PROSER1: variants seen among roughly 807,000 people sequenced by gnomAD.
PROSER1 encodes the protein proline and serine rich 1.
Under a neutral mutation model 71.8 loss-of-function variants are expected in PROSER1, and 36 were observed. The observed-to-expected ratio is 0.50, with a 90% CI of 0.38 to 0.66. The LOEUF (loss-of-function observed/expected upper bound fraction) is 0.66, where lower values mean the gene tolerates loss of function less well. PROSER1 is among the 30% of genes least tolerant of loss of function. The pLI is 0.00. For missense variants in PROSER1, 1,107 were observed against 1,135.0 expected, an observed-to-expected ratio of 0.98 and a Z score of 0.35; for synonymous variants, 490 against 452.4, an observed-to-expected ratio of 1.08 and a Z score of -1.06.
At position 39,017,488 on chromosome 13, in the gene PROSER1, T is replaced by C; in HGVS notation, c.775+12A>G. 6.6e-7 allele frequency: 1 copy of C among 1,510,402 alleles called. No individual in the cohort carries two copies. The highest frequency in any genetic ancestry group is 9.1e-7 in the Non-Finnish European group (1 of 1,094,782). The allele number at this position is 1,510,402 out of a possible 1,614,324, so 93.6% of individuals were successfully genotyped here. A position where few individuals can be genotyped will look rare whatever the true frequency, so the allele number is the denominator to read the frequency against. On this transcript the variant is annotated intron_variant, in intron 10 of 12. Coordinates refer to ENST00000352251, the MANE Select transcript of PROSER1 (RefSeq NM_025138.5). ...AGATATCCGTTATCTCTGGATCAAA[T>C]TTGCTACTTACTTTGATTCTGTATA... is the stretch of plus-strand genomic sequence containing the variant.
At position 39,010,804 on chromosome 13, in the gene PROSER1, T is replaced by C. The variant is rs1340185177; in HGVS notation, c.*561A>G. ...ACCACTTTCACTTACCTGAAATATT[T>C]TGAGTTAAATTCAGCAGTATGTACG... On this transcript the variant is annotated 3_prime_UTR_variant, in exon 13 of 13. Transcript: ENST00000352251. 6.5e-6 allele frequency: 1 copy of C among 152,718 alleles called. No homozygotes were observed. The highest frequency in any genetic ancestry group is 1.5e-5 in the Non-Finnish European group (1 of 68,130). 9.5% of individuals were successfully genotyped at this position (152,718 alleles called of 1,614,324 possible).
intron 2 of PROSER1, among the ~76,000 whole-genome samples, chr13:39,032,727 T>C (rs1870907122): frequency 1.3e-5 from 2 of 152,086 alleles, no homozygotes; most frequent in Admixed American, 6.5e-5. Context: ...TAACCAACCA[T>C]AAAATTTTAC....
intron 1 of PROSER1, among the ~76,000 whole-genome samples, chr13:39,035,556 T>G (rs1871060594): frequency 6.6e-6 from 1 of 152,208 alleles, no homozygotes; most frequent in African/African-American, 2.4e-5. Context: ...GCTCACAAAG[T>G]AAGTGCTCAC....
At chr13:39,028,770 T>G (rs1870669816) in intron 4 of PROSER1, among the ~76,000 whole-genome samples, 1 of 152,150 alleles carries the variant, frequency 6.6e-6, no homozygotes, top group African/African-American at 2.4e-5. Flanking sequence ...CATTCTTCAG[T>G]TATGCAAAGG....
chr13:39,035,100 A>G (rs1420035623), intron 1 of PROSER1, among the ~76,000 whole-genome samples: 2 of 152,198 alleles, frequency 1.3e-5, no homozygotes, highest in South Asian at 2.1e-4. Flanking sequence ...TTTTTCACAT[A>G]TATCATTCTG....
At chr13:39,028,182 G>T in intron 5 of PROSER1, 45 bp downstream of exon 5, 1 of 1,066,672 alleles carries the variant, frequency 9.4e-7, no homozygotes, top group Non-Finnish European at 1.4e-6. Flanking sequence ...TTCAATATTC[G>T]GAAAAACCAG....
intron 9 of PROSER1, 101 bp downstream of exon 9, chr13:39,022,225 G>T (rs1371289797): frequency 3.7e-6 from 3 of 803,964 alleles, no homozygotes; most frequent in Non-Finnish European, 6.6e-6. Context: ...TCTTGAGCTT[G>T]TGTTCCCTCT....
Position 39,011,444 on chromosome 13 carries a change from T to G in PROSER1, c.2756A>C (p.Asp919Ala), listed in dbSNP as rs781760406. The G allele has an allele frequency of 3.1e-6, 5 of 1,613,990 alleles. No homozygotes were observed. The highest frequency in any genetic ancestry group is 4.2e-6 in the Non-Finnish European group (5 of 1,180,002). The change falls in exon 13 of 13, where the codon GAT becomes GCT. Residue 919 changes from aspartate (D) to alanine (A), a missense_variant. By Grantham distance (126) the Asp-to-Ala change is moderately radical. Transcript: ENST00000352251. Reference protein sequence around the residue: ...SALESYPAQPDGFPSYPSAPG... With the variant: ...SALESYPAQPAGFPSYPSAPG... ...CGCTGAAGGATAACTAGGAAACCCA[T>G]CAGGCTGAGCTGGATAGCTTTCCAG...
At chr13:39,035,896 A>G (rs1188419426) in intron 1 of PROSER1, among the ~76,000 whole-genome samples, 1 of 152,236 alleles carries the variant, frequency 6.6e-6, no homozygotes, top group African/African-American at 2.4e-5. Flanking sequence ...AGCAGAAGAT[A>G]TATTTTAACT....
Position 39,023,145 on chromosome 13 carries a change from A to T in PROSER1, c.565-15T>A. On this transcript the variant is annotated splice_polypyrimidine_tract_variant and intron_variant, in intron 7 of 12. Transcript: ENST00000352251. Reference sequence around the variant, plus strand: ...GTTGAAGGAGGCTAAAACATGGGGGAAAATACAGCAGTTAGAAGAAAATCA... The same window carrying T: ...GTTGAAGGAGGCTAAAACATGGGGGTAAATACAGCAGTTAGAAGAAAATCA... 3 of 1,590,544 alleles carry T rather than the reference A, an allele frequency of 1.9e-6. No individual in the cohort carries two copies. The highest frequency in any genetic ancestry group is 2.6e-6 in the Non-Finnish European group (3 of 1,159,122).
chr13:39,026,180 C>T (rs967263155), intron 6 of PROSER1, 97 bp downstream of exon 6: 30 of 721,452 alleles, frequency 4.2e-5, no homozygotes, highest in African/African-American at 3.7e-4. Flanking sequence ...ATTAAGTTAC[C>T]GACATAAAAT....
chr13:39,018,415 A>T (rs574278785), intron 9 of PROSER1, among the ~76,000 whole-genome samples: 12 of 151,992 alleles, frequency 7.9e-5, no homozygotes, highest in Non-Finnish European at 1.3e-4. Context: ...CTGAGGTGAC[A>T]AAAAATAACC....
At chr13:39,028,352 T>A in intron 4 of PROSER1, 32 bp from the exon 5 acceptor site, 1 of 1,347,238 alleles carries the variant, frequency 7.4e-7, no homozygotes, top group Non-Finnish European at 1.1e-6. Flanking sequence ...GCTTTTTGTT[T>A]AAAAATCTGA....
chr13:39,025,747 G>A (rs1409441), intron 6 of PROSER1, among the ~76,000 whole-genome samples: 53,695 of 152,076 alleles, frequency 0.35, 12,200 homozygotes, highest in African/African-American at 0.65. Context: ...ACCCATAAAA[G>A]CCATGTGAGG....
Position 39,037,263 on chromosome 13 carries a change from G to A in PROSER1, c.-21C>T. On this transcript the variant is annotated 5_prime_UTR_variant, in exon 1 of 13. Transcript: ENST00000352251. ...TCCATCTTGACTACTATCCCGACGT[G>A]GTTTTAACAGTTATACTTGCAATTA... is the stretch of plus-strand genomic sequence containing the variant. 9 of 1,590,776 alleles carry A rather than the reference G, an allele frequency of 5.7e-6. No homozygotes were observed. The highest frequency in any genetic ancestry group is 7.8e-6 in the Non-Finnish European group (9 of 1,158,874).
At position 39,037,305 on chromosome 13, in the gene PROSER1, G is replaced by T. The variant is rs776749429; in HGVS notation, c.-63C>A. 2.3e-5 allele frequency: 27 copies of T among 1,180,822 alleles called. No homozygotes were observed. Among genetic ancestry groups the T allele is most frequent in the Non-Finnish European group, 3.2e-5 (25 of 785,852 alleles). The allele number at this position is 1,180,822 out of a possible 1,614,324, so 73.1% of individuals were successfully genotyped here. On this transcript the variant is annotated 5_prime_UTR_variant, in exon 1 of 13. Transcript: ENST00000352251. ...TTGCAATTAAAAGACGTTCATCCCT[G>T]GTCTGCTCCGCCGATAGTAAAAAAT... is the stretch of plus-strand genomic sequence containing the variant.
chr13:39,011,112 T>A lies in PROSER1; in HGVS notation c.*253A>T, dbSNP rs1233022403. 4 of 398,384 alleles carry A rather than the reference T, an allele frequency of 1.0e-5. No homozygotes were observed. Among genetic ancestry groups the A allele is most frequent in the African/African-American group, 4.2e-5 (2 of 48,110 alleles). The allele number at this position is 398,384 out of a possible 1,614,324, so 24.7% of individuals were successfully genotyped here. On this transcript the variant is annotated 3_prime_UTR_variant, in exon 13 of 13. Transcript: ENST00000352251. ...ATCACATACACAATTCAAAATTTTA[T>A]AGGACAGGTGAAAAGTCTCCAAACA...
At chr13:39,017,059 C>G (rs544153842) in intron 10 of PROSER1, among the ~76,000 whole-genome samples, 1 of 152,314 alleles carries the variant, frequency 6.6e-6, no homozygotes, top group Admixed American at 6.5e-5. Flanking sequence ...TTTGGTGCCC[C>G]TTGTTCTTTC....
chr13:39,014,224 G>A lies in PROSER1; in HGVS notation c.1028C>T (p.Pro343Leu), dbSNP rs756730138. 1 of 1,614,184 alleles carries A rather than the reference G, an allele frequency of 6.2e-7. No homozygotes were observed. The highest frequency in any genetic ancestry group is 8.5e-7 in the Non-Finnish European group (1 of 1,180,024). ...NPTVIRTPSL[P>L]TAPVTSIHST... ...GTGGATGGATGTAACAGGTGCAGTG[G>A]GCAATGAAGGGGTTCTGATAACTGT... The change falls in exon 11 of 13, where the codon CCC (proline) becomes CTC (leucine). Residue 343 changes from proline (P) to leucine (L), a missense_variant. Transcript: ENST00000352251.
Sources: gnomAD v4.1 joint callset for allele counts (sites outside exome capture counted in the v4.1 genomes callset) on GRCh38, gnomAD v4.1.1 for gene constraint, MANE v1.5 for transcripts, NCBI Gene and HGNC (gene_info 2026-07-23, HGNC 2026-07-21) for gene names.